Variants in DHRSX observed in about 807,000 individuals in gnomAD.
DHRSX encodes the protein polyprenol dehydrogenase.
Under a neutral mutation model 34.0 loss-of-function variants are expected in DHRSX, and 31 were observed. The observed-to-expected ratio is 0.91, with a 90% CI of 0.69 to 1.23. The LOEUF (loss-of-function observed/expected upper bound fraction) is 1.23. Ranked by LOEUF, DHRSX falls within the 50% of genes most tolerant of loss-of-function variation. DHRSX has a pLI of 0.00. For missense variants in DHRSX, 414 were observed against 428.1 expected (o/e 0.97, Z 0.29); for synonymous variants, 201 against 183.8 (o/e 1.09, Z -0.76).
chrX:2,488,440 G>T, intron 1 of DHRSX: 1 of 676,100 alleles, frequency 1.5e-6, no homozygotes, highest in Non-Finnish European at 2.3e-6. Flanking sequence ...CTCCCAAAGT[G>T]CTGCGATTAT....
chrX:2,362,833 A>C (rs1254136632), intron 3 of DHRSX, among the ~76,000 whole-genome samples: 3 of 139,144 alleles, frequency 2.2e-5, no homozygotes, highest in Non-Finnish European at 4.7e-5. Context: ...CCTCCATTTT[A>C]TCACCGTTCT....
chrX:2,457,696 C>G (rs1211740593), intron 1 of DHRSX, among the ~76,000 whole-genome samples: 4 of 150,844 alleles, frequency 2.7e-5, no homozygotes, highest in African/African-American at 9.8e-5. Context: ...AGGACTGCCG[C>G]CCTGTACACA....
At chrX:2,346,890 A>C (rs951592585) in intron 3 of DHRSX, among the ~76,000 whole-genome samples, 3 of 152,054 alleles carry the variant, frequency 2.0e-5, no homozygotes, top group African/African-American at 7.2e-5. Flanking sequence ...ATGAGTGAGA[A>C]CATGAGGTGT....
intron 2 of DHRSX, among the ~76,000 whole-genome samples, chrX:2,415,165 G>A (rs1306372654): frequency 6.7e-6 from 1 of 149,082 alleles, no homozygotes; most frequent in Non-Finnish European, 1.5e-5. Context: ...ATCTCATCAT[G>A]ACCTAATCCA....
At chrX:2,265,479 T>C (rs2041441285) in intron 5 of DHRSX, among the ~76,000 whole-genome samples, 5 of 92,920 alleles carry the variant, frequency 5.4e-5, no homozygotes, top group South Asian at 4.5e-4. Context: ...AGCACCAGTG[T>C]CCAGCAGAAG....
chrX:2,242,842 A>G (rs1301837732), intron 6 of DHRSX, among the ~76,000 whole-genome samples, 181 bp downstream of exon 6: 1 of 152,052 alleles, frequency 6.6e-6, no homozygotes, highest in Admixed American at 6.6e-5. Flanking sequence ...TTGTCTGCGG[A>G]GGAGCCATTC....
At chrX:2,230,026 G>T (rs1294655737) in intron 6 of DHRSX, among the ~76,000 whole-genome samples, 1 of 152,138 alleles carries the variant, frequency 6.6e-6, no homozygotes, top group African/African-American at 2.4e-5. Context: ...CATGCATGTG[G>T]GCACAGATGT....
intron 3 of DHRSX, among the ~76,000 whole-genome samples, chrX:2,325,508 G>A (rs1189856695): frequency 7.2e-5 from 11 of 152,138 alleles, no homozygotes; most frequent in Non-Finnish European, 8.8e-5. Context: ...TGTAAAGTAA[G>A]AAAAACAGGA....
intron 6 of DHRSX, among the ~76,000 whole-genome samples, chrX:2,240,841 A>G (rs888050050): frequency 2.0e-5 from 3 of 152,148 alleles, no homozygotes; most frequent in Admixed American, 6.6e-5. Context: ...TGAGATAGAT[A>G]GGAAAGAAAG....
intron 2 of DHRSX, among the ~76,000 whole-genome samples, chrX:2,409,233 C>G (rs562072566): frequency 6.6e-6 from 1 of 152,196 alleles, no homozygotes; most frequent in South Asian, 2.1e-4. Flanking sequence ...TGCACGTGAT[C>G]ACAGACCGTG....
intron 4 of DHRSX, among the ~76,000 whole-genome samples, chrX:2,268,611 A>C (rs1487843497): frequency 6.6e-6 from 1 of 152,080 alleles, no homozygotes; most frequent in Non-Finnish European, 1.5e-5. Flanking sequence ...AAATTTGTGC[A>C]TATTTTCTTT....
intron 4 of DHRSX, among the ~76,000 whole-genome samples, chrX:2,276,598 G>A (rs2041655098): frequency 6.6e-6 from 1 of 152,016 alleles, no homozygotes; most frequent in South Asian, 2.1e-4. Context: ...GAACGCTCAG[G>A]GTCACAATCA....
chrX:2,289,774 T>A (rs1396488142), intron 4 of DHRSX, among the ~76,000 whole-genome samples: 3 of 152,200 alleles, frequency 2.0e-5, no homozygotes, highest in Non-Finnish European at 4.4e-5. Flanking sequence ...GACAGAAGAT[T>A]CCAAATGGCT....
At position 2,428,415 on chromosome X, in the gene DHRSX, G is replaced by A. The variant is rs1247428840; in HGVS notation, c.110-3111C>T. 1.3e-5 allele frequency among the ~76,000 whole-genome samples: 2 copies of A among 152,012 alleles called. 1 individual carries two copies. The highest frequency in any genetic ancestry group is 1.3e-4 in the Admixed American group (2 of 15,240). ...ACTGAATAAAGAAAATGTGGCACAT[G>A]GACACCATGGAATACTATGCAGCCA... On this transcript the variant is annotated intron_variant, in intron 1 of 6. Coordinates refer to ENST00000334651, the MANE Select transcript of DHRSX (RefSeq NM_145177.3).
At chrX:2,420,029 A>C (rs945223867) in intron 2 of DHRSX, among the ~76,000 whole-genome samples, 1 of 152,196 alleles carries the variant, frequency 6.6e-6, no homozygotes, top group Non-Finnish European at 1.5e-5. Flanking sequence ...CAGCAGCCCA[A>C]ACACACCAAG....
intron 1 of DHRSX, among the ~76,000 whole-genome samples, chrX:2,438,954 G>A: frequency 6.6e-6 from 1 of 151,938 alleles, no homozygotes; most frequent in East Asian, 1.9e-4. Context: ...AGACCAGCCT[G>A]GCCAACATGG....
chrX:2,348,756 C>A (rs150351308), intron 3 of DHRSX, among the ~76,000 whole-genome samples: 1 of 151,486 alleles, frequency 6.6e-6, no homozygotes, highest in Non-Finnish European at 1.5e-5. Context: ...TGCAGTGGCA[C>A]GATCTCGGCT....
intron 6 of DHRSX, among the ~76,000 whole-genome samples, chrX:2,237,725 G>T (rs766946016): frequency 1.9e-3 from 292 of 152,072 alleles, no homozygotes; most frequent in South Asian, 8.7e-3. Flanking sequence ...GGCTGGTCTT[G>T]AACTCCTAAC....
chrX:2,320,236 T>C (rs2042291924), intron 3 of DHRSX, among the ~76,000 whole-genome samples: 1 of 150,174 alleles, frequency 6.7e-6, no homozygotes, highest in South Asian at 2.1e-4. Flanking sequence ...TATTGCGCTG[T>C]TGTGGTAGCG....
Sources: allele counts gnomAD v4.1 joint callset (sites outside exome capture counted in the v4.1 genomes callset), GRCh38; gene constraint gnomAD v4.1.1; transcripts MANE v1.5; gene names NCBI Gene and HGNC (gene_info 2026-07-23, HGNC 2026-07-21).